The following STRBP variants were observed in gnomAD, a reference collection of about 807,000 sequenced individuals.
STRBP encodes spermatid perinuclear RNA-binding protein.
In STRBP, 13 loss-of-function variants were observed where a neutral mutation model predicts 80.1. The ratio of observed to expected loss-of-function variants is 0.16; its 90% CI spans 0.11 to 0.26. The LOEUF (loss-of-function observed/expected upper bound fraction) is 0.26, where lower values mean the gene tolerates loss of function less well. Among genes scored for constraint, STRBP ranks in the 10% least tolerant of loss-of-function variants. The pLI is 1.00. For missense variants in STRBP, 485 were observed against 815.2 expected, an observed-to-expected ratio of 0.59 and a Z score of 4.93; for synonymous variants, 284 against 291.2, an observed-to-expected ratio of 0.98 and a Z score of 0.25.
chr9:123,232,306 A>G (rs1564323317), intron 2 of STRBP, among the ~76,000 whole-genome samples: 1 of 152,136 alleles, frequency 6.6e-6, no homozygotes, highest in Non-Finnish European at 1.5e-5. Context: ...GTAAGACTCC[A>G]TCTCAAGAAA....
rs1181450823 is a variant in STRBP, at chr9:123,122,532, C to T, written c.*3065G>A. 1 of 1,169,440 alleles carries T rather than the reference C, an allele frequency of 8.6e-7. No homozygotes were observed. The highest frequency in any genetic ancestry group is 4.0e-5 in the Admixed American group (1 of 25,292). 72.4% of individuals were successfully genotyped at this position (1,169,440 alleles called of 1,614,324 possible). The stretch of plus-strand genomic sequence containing the variant: ...ACAATTTGAGAGAGACTACAAACGA[C>T]TTCAGAACTATATAAACTCAACTCC... On this transcript the variant is annotated 3_prime_UTR_variant, in exon 19 of 19. Transcript: ENST00000348403.
At chr9:123,111,392 CCTT>C (rs1490199748) in intron 3 of STRBP, 4 of 308,620 alleles carry the variant, frequency 1.3e-5, no homozygotes, top group Non-Finnish European at 2.0e-5. Context: ...AACTCCTACT[CCTT>C]GATCCATTTC....
intron 2 of STRBP, among the ~76,000 whole-genome samples, chr9:123,189,671 G>C (rs2038848513): frequency 6.6e-6 from 1 of 151,798 alleles, no homozygotes; most frequent in Non-Finnish European, 1.5e-5. Context: ...CATAGGGCAG[G>C]GAACATCACA....
In STRBP at chr9:123,136,363, T is replaced by C; in HGVS notation, c.1632+18A>G. ...CTTTGAGAAGAAAGATAAGGCTGGC[T>C]TGTGTCTGGGTACACACCTCCATTA... is the stretch of plus-strand genomic sequence containing the variant. On this transcript the variant is annotated intron_variant, in intron 15 of 18. Coordinates refer to ENST00000348403, the MANE Select transcript of STRBP (RefSeq NM_018387.5). This position sits in a 1 kb window ranked among gnomAD's most constrained non-coding sequence, Gnocchi z 4.2. 6.2e-7 allele frequency: 1 copy of C among 1,613,082 alleles called. No homozygotes were observed. Among genetic ancestry groups the C allele is most frequent in the Non-Finnish European group, 8.5e-7 (1 of 1,179,546 alleles).
Position 123,126,601 on chromosome 9 carries a change from A to C in STRBP, c.1943-928T>G, listed in dbSNP as rs1365367562. 6.6e-6 allele frequency among the ~76,000 whole-genome samples: 1 copy of C among 152,178 alleles called. No individual in the cohort carries two copies. The highest frequency in any genetic ancestry group is 1.5e-5 in the Non-Finnish European group (1 of 68,032). ...AGGAACAAGAGAGAAAAAAAGACCA[A>C]GGAAAAACATGAATGTAACTTAGAA... is the stretch of plus-strand genomic sequence containing the variant. On this transcript the variant is annotated intron_variant, in intron 18 of 18. Coordinates refer to ENST00000348403, the MANE Select transcript of STRBP (RefSeq NM_018387.5). The surrounding 1 kb of genome is among the most constrained non-coding windows in gnomAD (Gnocchi z 4.4).
At chr9:123,212,217 T>C (rs548746962) in intron 2 of STRBP, among the ~76,000 whole-genome samples, 3 of 152,324 alleles carry the variant, frequency 2.0e-5, no homozygotes, top group African/African-American at 7.2e-5. Flanking sequence ...TAAAAAGAAT[T>C]TGTTCTAGTG....
chr9:123,197,974 C>T (rs1170897578), intron 2 of STRBP, among the ~76,000 whole-genome samples: 1 of 151,686 alleles, frequency 6.6e-6, no homozygotes, highest in Non-Finnish European at 1.5e-5. Context: ...GAGCCTGGCT[C>T]TGTCTTTTTA....
chr9:123,261,411 T>C (rs1222233108), intron 1 of STRBP, among the ~76,000 whole-genome samples: 1 of 152,194 alleles, frequency 6.6e-6, no homozygotes, highest in Non-Finnish European at 1.5e-5. Flanking sequence ...TGCTCTAAAG[T>C]GAACTCCTTG....
At chr9:123,261,928 A>C (rs1475860963) in intron 1 of STRBP, among the ~76,000 whole-genome samples, 1 of 152,232 alleles carries the variant, frequency 6.6e-6, no homozygotes, top group Non-Finnish European at 1.5e-5. Flanking sequence ...GATTAGATGC[A>C]ATGTTTAATG....
Position 123,115,227 on chromosome 9 carries a change from G to A in STRBP, c.*84+702C>T, listed in dbSNP as rs764226576. 6.6e-5 allele frequency: 31 copies of A among 471,038 alleles called. 1 individual carries two copies. Among genetic ancestry groups the A allele is most frequent in the Middle Eastern group, 3.2e-4 (1 of 3,100 alleles). The allele number at this position is 471,038 out of a possible 1,614,324, so 29.2% of individuals were successfully genotyped here. On this transcript the variant is annotated intron_variant and NMD_transcript_variant, in intron 3 of 3. Coordinates refer to the STRBP transcript ENST00000471564. This position sits in a 1 kb window ranked among gnomAD's most constrained non-coding sequence, Gnocchi z 5.0. ...CTCTCTGTGCATGCATGCCAGGCCC[G>A]CCTCTGACTCCCCTCCTGGGGATCC...
At position 123,122,988 on chromosome 9, in the gene STRBP, TG is replaced by T. The variant is rs1232652842; in HGVS notation, c.*2608del. On this transcript the variant is annotated 3_prime_UTR_variant, in exon 19 of 19. Coordinates refer to ENST00000348403, the MANE Select transcript of STRBP (RefSeq NM_018387.5). ...AACAAAGTATTGCTCTTCTTTAAAATGATCAGTCATTGCTTTCAAAAAGAGG... is the reference window on the plus strand; with the variant it reads ...AACAAAGTATTGCTCTTCTTTAAAATATCAGTCATTGCTTTCAAAAAGAGG... The T allele has an allele frequency of 1.0e-6, 1 of 985,350 alleles. No individual in the cohort carries two copies. Among genetic ancestry groups the T allele is most frequent in the Non-Finnish European group, 1.2e-6 (1 of 829,946 alleles). The allele number at this position is 985,350 out of a possible 1,614,324, so 61.0% of individuals were successfully genotyped here. A position where few individuals can be genotyped will look rare whatever the true frequency, so the allele number is the denominator to read the frequency against.
intron 1 of STRBP, among the ~76,000 whole-genome samples, chr9:123,238,826 T>C (rs913148361): frequency 6.6e-6 from 1 of 152,048 alleles, no homozygotes; most frequent in African/African-American, 2.4e-5. Flanking sequence ...TAAACTTAAG[T>C]ATATAATAAA....
intron 13 of STRBP, among the ~76,000 whole-genome samples, chr9:123,143,636 C>T (rs2036685556): frequency 6.6e-6 from 1 of 152,116 alleles, no homozygotes; most frequent in Non-Finnish European, 1.5e-5. Flanking sequence ...ATAAGAATTC[C>T]AATGCATTTT....
At chr9:123,232,080 G>A (rs766392177) in intron 2 of STRBP, among the ~76,000 whole-genome samples, 13 of 152,210 alleles carry the variant, frequency 8.5e-5, no homozygotes, top group Non-Finnish European at 1.9e-4. Context: ...GGGAGGCTGA[G>A]GCAGGTGGAT....
intron 13 of STRBP, among the ~76,000 whole-genome samples, chr9:123,144,335 A>G (rs2036722785): frequency 6.6e-6 from 1 of 152,210 alleles, no homozygotes; most frequent in Admixed American, 6.5e-5. Flanking sequence ...TAATTTTTCA[A>G]TTCTGACATC....
intron 2 of STRBP, among the ~76,000 whole-genome samples, chr9:123,200,245 G>A (rs1036335618): frequency 2.0e-5 from 3 of 151,934 alleles, no homozygotes; most frequent in Admixed American, 6.6e-5. Flanking sequence ...CTTCGATTCT[G>A]TACCCATTCT....
rs1285572585 is a variant in STRBP at position 123,126,832 on chromosome 9, C to G, written c.1943-1159G>C. On this transcript the variant is annotated intron_variant, in intron 18 of 18. Transcript: ENST00000348403. This position sits in a 1 kb window ranked among gnomAD's most constrained non-coding sequence, Gnocchi z 4.4. ...GGATAAATGGACCAGACCTAAGTCA[C>G]AGAGAGGATGAGATGGTCAGGAGAC... Among the ~76,000 whole-genome samples, 1 of 152,146 alleles carries G rather than the reference C, an allele frequency of 6.6e-6. No homozygotes were observed. Among genetic ancestry groups the G allele is most frequent in the Admixed American group, 6.5e-5 (1 of 15,286 alleles).
chr9:123,177,832 A>T (rs2038286650), intron 4 of STRBP, among the ~76,000 whole-genome samples: 1 of 152,228 alleles, frequency 6.6e-6, no homozygotes, highest in Non-Finnish European at 1.5e-5. Context: ...ACATGACATA[A>T]ACATGTAGCA....
intron 16 of STRBP, among the ~76,000 whole-genome samples, chr9:123,134,180 T>C (rs571523360): frequency 1.3e-5 from 2 of 152,284 alleles, no homozygotes; most frequent in South Asian, 4.1e-4. Context: ...ATTATACTTA[T>C]AGAAATGCAA....
Sources: allele counts gnomAD v4.1 joint callset (sites outside exome capture counted in the v4.1 genomes callset), GRCh38; gene constraint gnomAD v4.1.1; non-coding constraint Gnocchi (gnomAD v3.1); transcripts MANE v1.5; gene names NCBI Gene and HGNC (gene_info 2026-07-23, HGNC 2026-07-21).